OMA1: variants seen among roughly 807,000 people sequenced by gnomAD.
OMA1 encodes metalloendopeptidase OMA1, mitochondrial.
OMA1 carries 38 observed loss-of-function variants against 30.9 expected under a neutral mutation model. The observed-to-expected ratio is 1.23, with a 90% confidence interval of 0.95 to 1.61. The LOEUF is 1.61. OMA1 is among the 40% of genes most tolerant of loss of function. The pLI is 0.00. For synonymous variants in OMA1, 173 were observed against 121.9 expected (o/e 1.42, Z -2.76); for missense variants, 461 against 349.2 (o/e 1.32, Z -2.55).
rs372099782 is a variant in OMA1 at position 58,536,655 on chromosome 1, A to G, written c.587T>C (p.Phe196Ser). 1 of 872,774 alleles carries G rather than the reference A, an allele frequency of 1.1e-6. No individual in the cohort carries two copies. The highest frequency in any genetic ancestry group is 1.6e-5 in the African/African-American group (1 of 61,322). 54.1% of individuals were successfully genotyped at this position (872,774 alleles called of 1,614,324 possible). ...ENIRKNKWKL[F>S]LGLSSFGLLF... ...CAATCCAAAACTACTCAAACCAAGG[A>G]ATAGCTTCCATTTATTCTTCCTTAT... The change falls in exon 3 of 9, where the codon TTC becomes TCC. Residue 196 changes from phenylalanine to serine, a missense_variant. Coordinates refer to ENST00000371226, the MANE Select transcript of OMA1 (RefSeq NM_145243.5).
intron 5 of OMA1, among the ~76,000 whole-genome samples, chr1:58,531,018 T>C (rs952910426): frequency 2.0e-5 from 3 of 152,218 alleles, no homozygotes; most frequent in African/African-American, 7.2e-5. Context: ...TCTTGTGAAA[T>C]AGCTACAATT....
chr1:58,532,074 GC>G (rs1646442755), intron 5 of OMA1, among the ~76,000 whole-genome samples: 1 of 152,066 alleles, frequency 6.6e-6, no homozygotes, highest in Non-Finnish European at 1.5e-5. Context: ...AGAAGAGAAA[GC>G]CCTTGTTATT....
intron 8 of OMA1, among the ~76,000 whole-genome samples, chr1:58,485,791 C>A (rs777755267): frequency 6.6e-6 from 1 of 152,090 alleles, no homozygotes; most frequent in African/African-American, 2.4e-5. Flanking sequence ...TTTAACTCCA[C>A]GCACTGCACA....
chr1:58,484,536 A>G (rs1645542478), intron 8 of OMA1, among the ~76,000 whole-genome samples: 1 of 152,222 alleles, frequency 6.6e-6, no homozygotes, highest in African/African-American at 2.4e-5. Context: ...CAGAATCCTT[A>G]GAAAATATCA....
At chr1:58,514,225 G>A (rs1215994981) in intron 7 of OMA1, among the ~76,000 whole-genome samples, 1 of 152,062 alleles carries the variant, frequency 6.6e-6, no homozygotes, top group Non-Finnish European at 1.5e-5. Flanking sequence ...TATGCATTAA[G>A]GAACATATTG....
chr1:58,535,773 A>G (rs1172358428), intron 3 of OMA1, among the ~76,000 whole-genome samples: 1 of 152,056 alleles, frequency 6.6e-6, no homozygotes, highest in Non-Finnish European at 1.5e-5. Context: ...ATGTTTAACT[A>G]CCTGAGTTAC....
At chr1:58,545,354 CAT>C (rs1179639680) in intron 1 of OMA1, among the ~76,000 whole-genome samples, 1 of 152,192 alleles carries the variant, frequency 6.6e-6, no homozygotes, top group Non-Finnish European at 1.5e-5. Context: ...AAACCATTAT[CAT>C]TTCTATCACT....
rs372292016 is a variant in OMA1 at position 58,534,078 on chromosome 1, T to C, written c.904-18A>G. On this transcript the variant is annotated intron_variant, in intron 4 of 8. Transcript: ENST00000371226. ...TGTCCATTCTGCACCACAAAGAAAA[T>C]AATGTAAGCAATTAGAACATCATAA... The C allele has an allele frequency of 2.0e-5, 17 of 868,890 alleles. No homozygotes were observed. The East Asian group carries it at 3.6e-4, about 18-fold the overall frequency. The allele number at this position is 868,890 out of a possible 1,614,324, so 53.8% of individuals were successfully genotyped here.
At chr1:58,503,395 T>C (rs998221616) in intron 8 of OMA1, among the ~76,000 whole-genome samples, 1 of 152,172 alleles carries the variant, frequency 6.6e-6, no homozygotes, top group Non-Finnish European at 1.5e-5. Context: ...GAATAATTAC[T>C]ACATATTATA....
At chr1:58,511,030 C>T (rs930203545) in intron 7 of OMA1, among the ~76,000 whole-genome samples, 5 of 152,034 alleles carry the variant, frequency 3.3e-5, no homozygotes, top group African/African-American at 7.2e-5. Context: ...GACTTAATAT[C>T]GTTAAAATAT....
intron 1 of OMA1, 24 bp from the exon 2 acceptor site, chr1:58,539,334 A>G (rs774097947): frequency 1.3e-6 from 1 of 777,158 alleles, no homozygotes; most frequent in Non-Finnish European, 2.2e-6. Flanking sequence ...AAAACTATAA[A>G]TATCTGTGGA....
intron 7 of OMA1, among the ~76,000 whole-genome samples, chr1:58,522,415 T>C (rs1646279124): frequency 6.6e-6 from 1 of 152,150 alleles, no homozygotes; most frequent in South Asian, 2.1e-4. Context: ...GAAGAGAAAC[T>C]CTTTCATTTG....
At chr1:58,527,928 A>G (rs1333759226) in intron 6 of OMA1, among the ~76,000 whole-genome samples, 1 of 152,246 alleles carries the variant, frequency 6.6e-6, no homozygotes, top group Admixed American at 6.5e-5. Context: ...AATTACTTGT[A>G]TTTATGTGAA....
intron 7 of OMA1, among the ~76,000 whole-genome samples, chr1:58,516,879 G>T (rs1224527201): frequency 6.6e-6 from 1 of 152,104 alleles, no homozygotes; most frequent in Non-Finnish European, 1.5e-5. Flanking sequence ...TATGTCCTTG[G>T]GTCAGGACTT....
rs564840683 is a variant in OMA1 at position 58,484,551 on chromosome 1, A to G, written c.1366-3377T>C. Among the ~76,000 whole-genome samples the G allele has an allele frequency of 3.3e-5, 5 of 152,278 alleles. No individual in the cohort carries two copies. The South Asian group carries it at 1.0e-3, about 32-fold the overall frequency. ...CAGAATCCTTAGAAAATATCAGCTCAATTTTACAGATGAGGAAACTGAGTC... is the reference window on the plus strand; with the variant it reads ...CAGAATCCTTAGAAAATATCAGCTCGATTTTACAGATGAGGAAACTGAGTC... On this transcript the variant is annotated intron_variant, in intron 8 of 8. Transcript: ENST00000371226.
At chr1:58,518,277 G>A (rs147400566) in intron 7 of OMA1, among the ~76,000 whole-genome samples, 38 of 2,398 alleles carry the variant, frequency 0.016, 7 homozygotes, top group South Asian at 0.031. Context: ...AGAGAGGAGA[G>A]GAGAAGAGAA....
chr1:58,496,539 T>C (rs1464968222), intron 8 of OMA1, among the ~76,000 whole-genome samples: 1 of 152,196 alleles, frequency 6.6e-6, no homozygotes, highest in Non-Finnish European at 1.5e-5. Flanking sequence ...CTTATCTCAC[T>C]GGGGAACAAT....
intron 3 of OMA1, among the ~76,000 whole-genome samples, chr1:58,535,214 T>C (rs1030778369): frequency 1.3e-5 from 2 of 152,340 alleles, no homozygotes; most frequent in Admixed American, 6.5e-5. Context: ...TCTGAAGTTA[T>C]ATTCATGAGA....
chr1:58,514,861 G>A (rs1396756891), intron 7 of OMA1, among the ~76,000 whole-genome samples: 1 of 152,150 alleles, frequency 6.6e-6, no homozygotes, highest in Non-Finnish European at 1.5e-5. Flanking sequence ...CTCCACTTTG[G>A]GAGAGGGAAA....
Sources: allele counts gnomAD v4.1 joint callset (sites outside exome capture counted in the v4.1 genomes callset), GRCh38; gene constraint gnomAD v4.1.1; transcripts MANE v1.5; gene names NCBI Gene and HGNC (gene_info 2026-07-23, HGNC 2026-07-21).